The following MDGA2 variants were observed in gnomAD, a reference collection of about 807,000 sequenced individuals.
The protein encoded by MDGA2 is MAM domain containing glycosylphosphatidylinositol anchor 2.
MDGA2 carries 40 observed loss-of-function variants against 117.8 expected under a neutral mutation model. The observed-to-expected ratio is 0.34, with a 90% CI of 0.26 to 0.44. MDGA2 has a LOEUF of 0.44. Ranked by LOEUF, MDGA2 falls within the 20% of genes least tolerant of loss-of-function variation. The pLI is 1.00. For missense variants in MDGA2, 1,123 were observed against 1,250.6 expected, an observed-to-expected ratio of 0.90 and a Z score of 1.54; for synonymous variants, 452 against 439.0, an observed-to-expected ratio of 1.03 and a Z score of -0.37.
intron 1 of MDGA2, among the ~76,000 whole-genome samples, chr14:47,540,518 A>ATGTGTGTG (rs1374889978): frequency 1.3e-4 from 8 of 61,242 alleles, no homozygotes; most frequent in East Asian, 2.4e-3. Flanking sequence ...ATGTATATGT[A>ATGTGTGTG]TATGTGTGTG....
chr14:47,184,499 A>G (rs948339383), intron 3 of MDGA2, among the ~76,000 whole-genome samples: 1 of 151,860 alleles, frequency 6.6e-6, no homozygotes, highest in Non-Finnish European at 1.5e-5. Flanking sequence ...ATTCATTTCT[A>G]TGTTCTTTCT....
At chr14:47,463,827 T>G (rs1484468963) in intron 1 of MDGA2, among the ~76,000 whole-genome samples, 2 of 152,140 alleles carry the variant, frequency 1.3e-5, no homozygotes, top group Non-Finnish European at 2.9e-5. Flanking sequence ...TTTGATTGCT[T>G]TCCTATAATA....
At chr14:47,347,541 T>G (rs1244169516) in intron 1 of MDGA2, among the ~76,000 whole-genome samples, 1 of 152,188 alleles carries the variant, frequency 6.6e-6, no homozygotes, top group Non-Finnish European at 1.5e-5. Context: ...TCCAGGTGGT[T>G]GCTATTGTCA....
intron 10 of MDGA2, among the ~76,000 whole-genome samples, chr14:46,899,876 G>C (rs1195653063): frequency 6.6e-6 from 1 of 151,962 alleles, no homozygotes; most frequent in Non-Finnish European, 1.5e-5. Flanking sequence ...GCTCTCAGAA[G>C]GCATCAGTAG....
chr14:46,975,064 T>C lies in MDGA2; in HGVS notation c.1820-17421A>G, dbSNP rs1024995155. On this transcript the variant is annotated intron_variant, in intron 8 of 16. Transcript: ENST00000399232. ...ACTTGAACAGATATTTCTCCAGTGATACTCAAATGGCCAATAAGCACATAA... is the reference window on the plus strand; with the variant it reads ...ACTTGAACAGATATTTCTCCAGTGACACTCAAATGGCCAATAAGCACATAA... 2.0e-5 allele frequency among the ~76,000 whole-genome samples: 3 copies of C among 152,076 alleles called. No individual in the cohort carries two copies. The South Asian group carries it at 6.2e-4, about 32-fold the overall frequency.
intron 11 of MDGA2, among the ~76,000 whole-genome samples, chr14:46,878,545 G>T (rs931142277): frequency 2.6e-5 from 4 of 151,974 alleles, no homozygotes; most frequent in Non-Finnish European, 5.9e-5. Flanking sequence ...GTATACAAAT[G>T]ATAAATTTTA....
At chr14:47,109,880 A>G (rs1880941128) in intron 5 of MDGA2, among the ~76,000 whole-genome samples, 1 of 152,182 alleles carries the variant, frequency 6.6e-6, no homozygotes. Context: ...CGGGAGATAG[A>G]GGCTGCAGTG....
intron 2 of MDGA2, among the ~76,000 whole-genome samples, chr14:47,293,634 C>A (rs776914178): frequency 1.3e-5 from 2 of 152,070 alleles, no homozygotes; most frequent in Non-Finnish European, 2.9e-5. Context: ...ATTTACTAAG[C>A]ATTTATGTTG....
chr14:47,215,841 C>G (rs929927290), intron 3 of MDGA2, among the ~76,000 whole-genome samples: 1 of 152,066 alleles, frequency 6.6e-6, no homozygotes, highest in Non-Finnish European at 1.5e-5. Flanking sequence ...AGTACTTCAA[C>G]ATGGTATGCA....
chr14:47,469,750 A>G (rs1250748623), intron 1 of MDGA2, among the ~76,000 whole-genome samples: 1 of 152,112 alleles, frequency 6.6e-6, no homozygotes, highest in Non-Finnish European at 1.5e-5. Context: ...CAATGGTTGA[A>G]CTAGTTTACA....
chr14:47,015,172 G>C (rs1415407119), intron 8 of MDGA2, among the ~76,000 whole-genome samples: 2 of 152,030 alleles, frequency 1.3e-5, no homozygotes, highest in Non-Finnish European at 2.9e-5. Context: ...TATGGGTGTG[G>C]TTCATGGCAC....
At chr14:47,048,051 A>G (rs1307794598) in intron 7 of MDGA2, among the ~76,000 whole-genome samples, 1 of 152,090 alleles carries the variant, frequency 6.6e-6, no homozygotes, top group Non-Finnish European at 1.5e-5. Flanking sequence ...TTTGGTTACT[A>G]TAACAAAATG....
At chr14:47,162,089 G>A (rs998196396) in intron 3 of MDGA2, among the ~76,000 whole-genome samples, 10 of 151,714 alleles carry the variant, frequency 6.6e-5, no homozygotes, top group African/African-American at 2.2e-4. Flanking sequence ...GGGACTACAG[G>A]TGCTTGCCAC....
At chr14:47,108,060 T>C (rs916903922) in intron 5 of MDGA2, among the ~76,000 whole-genome samples, 1 of 149,552 alleles carries the variant, frequency 6.7e-6, no homozygotes, top group Non-Finnish European at 1.5e-5. Flanking sequence ...ATATCCCTTA[T>C]GGTCCTCCAT....
intron 1 of MDGA2, among the ~76,000 whole-genome samples, chr14:47,421,267 C>T (rs780438332): frequency 8.5e-5 from 13 of 152,062 alleles, no homozygotes; most frequent in Non-Finnish European, 1.8e-4. Context: ...ATTAAAAGCT[C>T]GTTTCATGAG....
intron 3 of MDGA2, among the ~76,000 whole-genome samples, chr14:47,154,887 T>C (rs1883306211): frequency 6.6e-6 from 1 of 152,180 alleles, no homozygotes; most frequent in African/African-American, 2.4e-5. Flanking sequence ...GCATGGGGCC[T>C]AGGCTGCCAG....
intron 8 of MDGA2, among the ~76,000 whole-genome samples, chr14:46,986,153 T>C (rs1886852181): frequency 6.6e-6 from 1 of 152,064 alleles, no homozygotes; most frequent in South Asian, 2.1e-4. Flanking sequence ...CACTGTTTTT[T>C]TGCTTATAGT....
At chr14:47,580,438 T>C (rs12894376) in intron 1 of MDGA2, among the ~76,000 whole-genome samples, 21,580 of 152,062 alleles carry the variant, frequency 0.14, 1,977 homozygotes, top group Non-Finnish European at 0.21. Flanking sequence ...CATTTGGTAG[T>C]AGGTTTCAAC....
intron 5 of MDGA2, among the ~76,000 whole-genome samples, chr14:47,109,424 A>AC (rs1307732610): frequency 6.6e-6 from 1 of 151,984 alleles, no homozygotes; most frequent in African/African-American, 2.4e-5. Flanking sequence ...TCTTTATAAT[A>AC]CCCCCTCATT....
Sources: allele counts gnomAD v4.1 joint callset (sites outside exome capture counted in the v4.1 genomes callset), GRCh38; gene constraint gnomAD v4.1.1; transcripts MANE v1.5; gene names NCBI Gene and HGNC (gene_info 2026-07-23, HGNC 2026-07-21).